UNC93B1: variants seen among roughly 807,000 people sequenced by gnomAD.
The protein encoded by UNC93B1 is unc-93B1 regulator of TLR signaling, also known as protein unc-93 homolog B1.
Under a neutral mutation model 56.8 loss-of-function variants are expected in UNC93B1, and 33 were observed. The observed-to-expected ratio is 0.58, with a 90% CI of 0.44 to 0.78. The LOEUF is 0.78. Ranked by LOEUF, UNC93B1 falls within the 30% of genes least tolerant of loss-of-function variation. UNC93B1 has a pLI of 0.00. For missense variants in UNC93B1, 673 were observed against 819.5 expected (o/e 0.82, Z 2.18); for synonymous variants, 334 against 358.6 (o/e 0.93, Z 0.77).
chr11:67,997,237 G>C (rs1257792916), intron 7 of UNC93B1, among the ~76,000 whole-genome samples: 1 of 139,674 alleles, frequency 7.2e-6, no homozygotes, highest in African/African-American at 2.8e-5. Flanking sequence ...ACTGGGCCTT[G>C]CCTCCCAGCT....
rs991224589 is a variant in UNC93B1, at chr11:67,993,557, G to A, written c.1482+119C>T. ...GCCACCCAGTGGGCTGCAGGAATGG[G>A]GCCTTGGCCCAGAGACTGGCTTGGG... is the stretch of plus-strand genomic sequence containing the variant. On this transcript the variant is annotated intron_variant, in intron 10 of 10. Transcript: ENST00000227471. 2.7e-4 allele frequency: 190 copies of A among 695,944 alleles called. 1 individual carries two copies. Among genetic ancestry groups the A allele is most frequent in the Non-Finnish European group, 2.2e-4 (87 of 387,088 alleles). The allele number at this position is 695,944 out of a possible 1,614,324, so 43.1% of individuals were successfully genotyped here.
Position 68,003,421 on chromosome 11 carries a change from T to G in UNC93B1, c.238+236A>C, listed in dbSNP as rs969351169. ...GGCCTCCAATTCTGACGGTGGCAGG[T>G]CTGTCCGGGAGCCCGGACCCCCGTC... On this transcript the variant is annotated intron_variant, in intron 2 of 10. Coordinates refer to ENST00000227471, the MANE Select transcript of UNC93B1 (RefSeq NM_030930.4). This position sits in a 1 kb window ranked among gnomAD's most constrained non-coding sequence, Gnocchi z 4.4. 7.4e-6 allele frequency: 6 copies of G among 811,218 alleles called. No homozygotes were observed. Among genetic ancestry groups the G allele is most frequent in the African/African-American group, 1.8e-5 (1 of 55,368 alleles). The allele number at this position is 811,218 out of a possible 1,614,324, so 50.3% of individuals were successfully genotyped here. A position where few individuals can be genotyped will look rare whatever the true frequency, so the allele number is the denominator to read the frequency against.
At chr11:68,002,685 C>T (rs1857066338) in intron 3 of UNC93B1, among the ~76,000 whole-genome samples, 1 of 152,200 alleles carries the variant, frequency 6.6e-6, no homozygotes, top group Non-Finnish European at 1.5e-5. Flanking sequence ...AAACCCCTAA[C>T]TCTACAGCCC....
intron 3 of UNC93B1, among the ~76,000 whole-genome samples, chr11:68,001,069 G>A (rs1265322699): frequency 6.6e-6 from 1 of 151,804 alleles, no homozygotes; most frequent in Admixed American, 6.6e-5. Context: ...GGTGGCGGGC[G>A]CCTGTAATCC....
chr11:67,995,519 C>T (rs1856923760), intron 9 of UNC93B1, 92 bp downstream of exon 9: 9 of 1,102,392 alleles, frequency 8.2e-6, no homozygotes, highest in South Asian at 5.2e-5. Context: ...CATATCTGTC[C>T]CTGGGATGTC....
chr11:67,999,052 A>T, intron 5 of UNC93B1, 121 bp downstream of exon 5: 1 of 1,436,080 alleles, frequency 7.0e-7, no homozygotes. Context: ...TAGTGAGACC[A>T]GGCCTCTTAA....
At chr11:68,001,703 A>C (rs889688365) in intron 3 of UNC93B1, among the ~76,000 whole-genome samples, 2 of 152,002 alleles carry the variant, frequency 1.3e-5, no homozygotes, top group African/African-American at 4.8e-5. Flanking sequence ...AAAAAAAAAA[A>C]ACAAGGAAAC....
rs1319514976 is a variant in UNC93B1, at chr11:67,998,428, G to T, written c.712C>A (p.Pro238Thr). 2 of 1,613,968 alleles carry T rather than the reference G, an allele frequency of 1.2e-6. No individual in the cohort carries two copies. Among genetic ancestry groups the T allele is most frequent in the East Asian group, 2.2e-5 (1 of 44,886 alleles). ...FHLSFACAQLPMIYFLNHYLY... is the reference protein window; with the variant it reads ...FHLSFACAQLTMIYFLNHYLY... Reference sequence around the variant, plus strand: ...TAGTGGTTCAGGAAATAAATCATGGGCAGCTGGGCGCAGGCGAAGCTCAGC... The same window carrying T: ...TAGTGGTTCAGGAAATAAATCATGGTCAGCTGGGCGCAGGCGAAGCTCAGC... The change falls in exon 6 of 11, where the codon CCC becomes ACC. Residue 238 changes from proline to threonine, a missense_variant. This residue lies in a region of UNC93B1 where 438 missense variants were observed against 465.9 expected (regional missense o/e 0.94). Coordinates refer to ENST00000227471, the MANE Select transcript of UNC93B1 (RefSeq NM_030930.4).
At chr11:67,995,464 C>T (rs558830231) in intron 9 of UNC93B1, 147 bp downstream of exon 9, 3 of 694,796 alleles carry the variant, frequency 4.3e-6, no homozygotes, top group South Asian at 4.5e-5. Context: ...GGAAGCCCCA[C>T]CTGCCTCTGC....
chr11:67,996,017 C>T (rs1326092485), intron 8 of UNC93B1, 133 bp from the exon 9 acceptor site: 5 of 686,842 alleles, frequency 7.3e-6, no homozygotes, highest in South Asian at 3.0e-5. Flanking sequence ...GAGGGTCTGG[C>T]TCTTACTCCC....
In UNC93B1 at chr11:67,999,288, T is replaced by G; in HGVS notation, c.572A>C (p.His191Pro). ...CTGCTCCTTGTAGTGGGAGTACTCA[T>G]GGTACTTCTGCGCCATCCTGGACCA... ...NYITRMAQKY[H>P]EYSHYKEQDG... Residue 191 changes from histidine (H) to proline (P), a missense_variant, in exon 5 of 11, where the codon CAT (histidine) becomes CCT (proline). Physicochemically the swap from His to Pro is moderately conservative, Grantham distance 77. Transcript: ENST00000227471. 6.2e-7 allele frequency: 1 copy of G among 1,613,530 alleles called. No homozygotes were observed. The highest frequency in any genetic ancestry group is 8.5e-7 in the Non-Finnish European group (1 of 1,179,734).
At chr11:67,998,261 G>T in intron 6 of UNC93B1, 98 bp downstream of exon 6, 1 of 1,417,688 alleles carries the variant, frequency 7.1e-7, no homozygotes, top group Non-Finnish European at 1.0e-6. Flanking sequence ...GTGGGGCACT[G>T]GGCTGCCAGC....
intron 3 of UNC93B1, among the ~76,000 whole-genome samples, chr11:68,000,921 G>C (rs928183744): frequency 2.0e-5 from 3 of 151,978 alleles, no homozygotes; most frequent in Non-Finnish European, 4.4e-5. Flanking sequence ...ACGGCCGGGC[G>C]TGGTGGCTCG....
At chr11:67,995,142 C>G (rs1006279918) in intron 9 of UNC93B1, among the ~76,000 whole-genome samples, 15 of 152,168 alleles carry the variant, frequency 9.9e-5, no homozygotes, top group African/African-American at 3.6e-4. Context: ...AAGCAGAGAC[C>G]AAAACATCTG....
intron 7 of UNC93B1, 88 bp downstream of exon 7, chr11:67,997,587 C>T (rs985655150): frequency 6.3e-7 from 1 of 1,578,052 alleles, no homozygotes; most frequent in Non-Finnish European, 8.6e-7. Context: ...CCAGGCCATG[C>T]CATCCGATCC....
Position 68,003,190 on chromosome 11 carries a change from G to C in UNC93B1, c.239-15C>G. On this transcript the variant is annotated splice_polypyrimidine_tract_variant and intron_variant, in intron 2 of 10. Transcript: ENST00000227471. This position sits in a 1 kb window ranked among gnomAD's most constrained non-coding sequence, Gnocchi z 4.4. ...CTGCAGGAGGCCTGGGGACAGGACA[G>C]AGAGCGGCGTGCAGGGAGCAGCCTA... 6.2e-7 allele frequency: 1 copy of C among 1,605,500 alleles called. No homozygotes were observed. Among genetic ancestry groups the C allele is most frequent in the East Asian group, 2.2e-5 (1 of 44,624 alleles).
rs770864824 is a variant in UNC93B1 at position 67,999,581 on chromosome 11, C to A, written c.492G>T (p.Ser164=). The A allele has an allele frequency of 4.4e-6, 7 of 1,593,070 alleles. No individual in the cohort carries two copies. The highest frequency in any genetic ancestry group is 6.0e-6 in the Non-Finnish European group (7 of 1,170,650). Residue 164 remains serine, a synonymous_variant, in exon 4 of 11, where the codon TCG becomes TCT. Coordinates refer to ENST00000227471, the MANE Select transcript of UNC93B1 (RefSeq NM_030930.4). ...YWERYYTLVP[S]AVALGMAIVP... is the part of the protein sequence containing the mutation. ...CGATGGCCATGCCCAGGGCCACAGC[C>A]GAGGGCACAAGCGTGTAGTAGCGCT...
chr11:67,996,840 C>G (rs979715376), intron 7 of UNC93B1, 56 bp from the exon 8 acceptor site: 20 of 1,460,044 alleles, frequency 1.4e-5, no homozygotes, highest in Non-Finnish European at 1.8e-5. Flanking sequence ...GGCCTCCAGG[C>G]TTCAGCCCCG....
chr11:67,996,485 G>A (rs1372618563), intron 8 of UNC93B1, 117 bp downstream of exon 8: 1 of 1,314,338 alleles, frequency 7.6e-7, no homozygotes, highest in Non-Finnish European at 1.0e-6. Flanking sequence ...GGGGATATTT[G>A]GGATATACAT....
Sources: gnomAD v4.1 joint callset for allele counts (sites outside exome capture counted in the v4.1 genomes callset) on GRCh38, gnomAD v4.1.1 for gene constraint, gnomAD v4.1.1 regional missense constraint, Gnocchi (gnomAD v3.1) non-coding constraint, MANE v1.5 for transcripts, NCBI Gene and HGNC (gene_info 2026-07-23, HGNC 2026-07-21) for gene names.